RPS6KC1: variants seen among roughly 807,000 people sequenced by gnomAD.
RPS6KC1 encodes the protein ribosomal protein S6 kinase C1.
RPS6KC1 carries 54 observed loss-of-function variants against 103.8 expected under a neutral mutation model. The ratio of observed to expected loss-of-function variants is 0.52; its 90% CI spans 0.42 to 0.65. The LOEUF (loss-of-function observed/expected upper bound fraction) is 0.65, where lower values mean the gene tolerates loss of function less well. RPS6KC1 is among the 30% of genes least tolerant of loss of function. The probability of loss-of-function intolerance (pLI) is 0.00; values close to 1 mark genes in which losing one functional copy is unlikely to be tolerated. For synonymous variants in RPS6KC1, 439 were observed against 438.7 expected, an observed-to-expected ratio of 1.00 and a Z score of -0.01; for missense variants, 1,151 against 1,253.8, an observed-to-expected ratio of 0.92 and a Z score of 1.24.
the RPS6KC1 span, among the ~76,000 whole-genome samples, chr1:213,398,437 A>G: frequency 6.6e-6 from 1 of 151,912 alleles, no homozygotes; most frequent in Non-Finnish European, 1.5e-5. Flanking sequence ...TTCAAACAGA[A>G]ATATGGCACC....
At chr1:213,350,937 G>T in the RPS6KC1 span, among the ~76,000 whole-genome samples, 1 of 151,986 alleles carries the variant, frequency 6.6e-6, no homozygotes, top group Non-Finnish European at 1.5e-5. Flanking sequence ...ATATATGATT[G>T]GGTATATGTT....
the RPS6KC1 span, among the ~76,000 whole-genome samples, chr1:213,595,846 C>T: frequency 6.6e-6 from 1 of 152,330 alleles, no homozygotes; most frequent in Non-Finnish European, 1.5e-5. Context: ...ATGTCTGAAA[C>T]TATGTGAGCC....
chr1:213,460,883 A>G, the RPS6KC1 span, among the ~76,000 whole-genome samples: 1 of 152,138 alleles, frequency 6.6e-6, no homozygotes, highest in African/African-American at 2.4e-5. Flanking sequence ...TCTGGGTTGA[A>G]AACTCTTTTC....
In RPS6KC1 at chr1:213,077,810, G is replaced by T; in HGVS notation, c.256G>T (p.Val86Leu). The T allele has an allele frequency of 1.3e-6, 2 of 1,533,986 alleles. No individual in the cohort carries two copies. The highest frequency in any genetic ancestry group is 1.8e-6 in the Non-Finnish European group (2 of 1,136,926). Residue 86 changes from valine to leucine, a missense_variant, in exon 3 of 15, where the codon GTG (valine) becomes TTG (leucine). Around this residue, in one of 3 missense-constraint regions of RPS6KC1, gnomAD observed 959 missense variants for 1,006.3 expected, o/e 0.95. Transcript: ENST00000366960. ...GTTTCCTCCATTTGCTAAAGGAATA[G>T]TGTTTGGTAAGTGATTATTTTGAAA... Reference protein sequence around the residue: ...ELFPPFAKGIVFGRFDETVIE... With the variant: ...ELFPPFAKGILFGRFDETVIE...
At chr1:213,567,319 C>A in the RPS6KC1 span, among the ~76,000 whole-genome samples, 2 of 152,098 alleles carry the variant, frequency 1.3e-5, no homozygotes, top group African/African-American at 4.8e-5. Context: ...AGGCTTCTGG[C>A]TTTATACTGG....
intron 14 of RPS6KC1, among the ~76,000 whole-genome samples, chr1:213,270,482 A>T (rs1244331182): frequency 6.6e-6 from 1 of 152,234 alleles, no homozygotes; most frequent in East Asian, 1.9e-4. Flanking sequence ...CATTAAGAAA[A>T]TGAAGACAAT....
the RPS6KC1 span, among the ~76,000 whole-genome samples, chr1:213,693,530 G>A: frequency 1.8e-4 from 27 of 152,130 alleles, no homozygotes; most frequent in African/African-American, 4.8e-4. Context: ...AGAATCTCTC[G>A]TTCAGAAAAA....
the RPS6KC1 span, among the ~76,000 whole-genome samples, chr1:213,676,113 CT>C: frequency 6.6e-6 from 1 of 152,252 alleles, no homozygotes; most frequent in Non-Finnish European, 1.5e-5. Flanking sequence ...GTCTGGGTTT[CT>C]ATACCTTTAC....
the RPS6KC1 span, among the ~76,000 whole-genome samples, chr1:213,462,830 C>A: frequency 6.6e-6 from 1 of 152,176 alleles, no homozygotes; most frequent in Non-Finnish European, 1.5e-5. Context: ...CAGCAAACCA[C>A]CACGGCACGT....
the RPS6KC1 span, among the ~76,000 whole-genome samples, chr1:213,782,447 T>C: frequency 6.6e-6 from 1 of 151,918 alleles, no homozygotes; most frequent in Non-Finnish European, 1.5e-5. Flanking sequence ...TAAACACCAT[T>C]CCAGGGAACT....
At chr1:213,408,187 A>G in the RPS6KC1 span, among the ~76,000 whole-genome samples, 1 of 152,186 alleles carries the variant, frequency 6.6e-6, no homozygotes, top group Admixed American at 6.5e-5. Context: ...TGACTTGGCT[A>G]GTGGAAAGCT....
intron 8 of RPS6KC1, among the ~76,000 whole-genome samples, chr1:213,180,988 T>G (rs2092233301): frequency 6.6e-6 from 1 of 152,160 alleles, no homozygotes; most frequent in Non-Finnish European, 1.5e-5. Flanking sequence ...TTTCCTGGTT[T>G]TGATATTGAA....
chr1:213,685,647 A>G, the RPS6KC1 span, among the ~76,000 whole-genome samples: 4 of 150,692 alleles, frequency 2.7e-5, no homozygotes, highest in Non-Finnish European at 5.9e-5. Context: ...AAAAAAAAAG[A>G]TAAGACTTTA....
the RPS6KC1 span, among the ~76,000 whole-genome samples, chr1:213,451,637 T>G: frequency 6.6e-6 from 1 of 152,192 alleles, no homozygotes; most frequent in African/African-American, 2.4e-5. Flanking sequence ...TTCTACCATC[T>G]CCATGAGGCT....
At chr1:213,074,751 C>G (rs1168849457) in intron 2 of RPS6KC1, among the ~76,000 whole-genome samples, 1 of 150,482 alleles carries the variant, frequency 6.6e-6, no homozygotes, top group Admixed American at 6.7e-5. Flanking sequence ...GGTTCATATA[C>G]CATGGTATTT....
the RPS6KC1 span, among the ~76,000 whole-genome samples, chr1:213,642,663 TGTTA>T: frequency 1.3e-5 from 2 of 152,028 alleles, no homozygotes; most frequent in Non-Finnish European, 2.9e-5. Flanking sequence ...AATTATTATT[TGTTA>T]GTGTACTTTA....
At chr1:213,510,574 T>C in the RPS6KC1 span, among the ~76,000 whole-genome samples, 1 of 152,206 alleles carries the variant, frequency 6.6e-6, no homozygotes, top group African/African-American at 2.4e-5. Context: ...ATATAAATTG[T>C]GGCTGCCAAT....
the RPS6KC1 span, among the ~76,000 whole-genome samples, chr1:213,350,187 TTC>T: frequency 6.6e-6 from 1 of 152,138 alleles, no homozygotes; most frequent in Non-Finnish European, 1.5e-5. Context: ...AAGTTCCTGG[TTC>T]TCTCTCTCTC....
At chr1:213,520,079 G>A in the RPS6KC1 span, among the ~76,000 whole-genome samples, 1 of 152,136 alleles carries the variant, frequency 6.6e-6, no homozygotes, top group Non-Finnish European at 1.5e-5. Flanking sequence ...CTTATTATGT[G>A]TCTAAACTCT....
Sources: gnomAD v4.1 joint callset for allele counts (sites outside exome capture counted in the v4.1 genomes callset) on GRCh38, gnomAD v4.1.1 for gene constraint, gnomAD v4.1.1 regional missense constraint, MANE v1.5 for transcripts, NCBI Gene and HGNC (gene_info 2026-07-23, HGNC 2026-07-21) for gene names.